Variants in ATP7A observed in about 807,000 individuals in gnomAD.
ATP7A encodes the protein copper-transporting ATPase 1.
A neutral mutation model predicts 83.5 loss-of-function variants in ATP7A; 7 were observed. That is an observed-to-expected ratio of 0.08 (90% CI 0.05 to 0.16). The LOEUF is 0.16. ATP7A is among the 10% of genes least tolerant of loss of function. The pLI is 1.00. For synonymous variants in ATP7A, 354 were observed against 395.2 expected, an observed-to-expected ratio of 0.90 and a Z score of 1.24; for missense variants, 940 against 1,120.8, an observed-to-expected ratio of 0.84 and a Z score of 2.30.
intron 1 of ATP7A, among the ~76,000 whole-genome samples, chrX:77,961,040 G>A (rs2077471393): frequency 9.0e-6 from 1 of 111,456 alleles, no homozygotes; most frequent in Admixed American, 9.6e-5. Context: ...TAGTGAGAGT[G>A]AGATGGAATT....
At chrX:77,960,486 T>C (rs782713732) in intron 1 of ATP7A, among the ~76,000 whole-genome samples, 2 of 112,704 alleles carry the variant, frequency 1.8e-5, no homozygotes, top group Admixed American at 9.4e-5. Flanking sequence ...CTTTCCCAAA[T>C]TATAAGTGCT....
chrX:77,969,521 G>C (rs782408548), intron 1 of ATP7A: 2 of 1,209,421 alleles, frequency 1.7e-6, no homozygotes, highest in African/African-American at 1.7e-5. Flanking sequence ...TGCCCGCCGC[G>C]CTTCGCCTCC....
chrX:77,943,407 T>C (rs1337399195), intron 1 of ATP7A, among the ~76,000 whole-genome samples: 1 of 111,585 alleles, frequency 9.0e-6, no homozygotes, highest in Non-Finnish European at 1.9e-5. Context: ...TGCTCATTTC[T>C]GCCTTTAAAC....
At chrX:77,923,575 C>T (rs782229005) in intron 1 of ATP7A, 3 of 102,450 alleles carry the variant, frequency 2.9e-5, no homozygotes, top group Admixed American at 2.1e-4. Flanking sequence ...TTTTTTCTTT[C>T]TTTCTTTTTT....
intron 1 of ATP7A, among the ~76,000 whole-genome samples, chrX:77,944,468 G>A (rs2077367737): frequency 9.0e-6 from 1 of 111,126 alleles, no homozygotes; most frequent in South Asian, 3.8e-4. Flanking sequence ...TTAGAGACAG[G>A]GTCTCTAGCT....
intron 18 of ATP7A, 30 bp downstream of exon 18, chrX:78,039,012 CA>C: frequency 8.4e-7 from 1 of 1,196,031 alleles, no homozygotes. Context: ...TGCTATAACT[CA>C]ATGTTTTGTT....
At chrX:77,956,343 G>A (rs2077441070) in intron 1 of ATP7A, among the ~76,000 whole-genome samples, 1 of 111,589 alleles carries the variant, frequency 9.0e-6, no homozygotes, top group Non-Finnish European at 1.9e-5. Flanking sequence ...GAGTGAGTTG[G>A]TATCTCCTTG....
intron 19 of ATP7A, among the ~76,000 whole-genome samples, chrX:78,042,153 A>T (rs1421841854): frequency 1.9e-5 from 2 of 107,173 alleles, no homozygotes; most frequent in Admixed American, 1.0e-4. Context: ...AAGTTACTTT[A>T]TTCTTTCTAT....
chrX:78,043,484 C>A (rs782327086), intron 21 of ATP7A, 50 bp downstream of exon 21: 16 of 981,147 alleles, frequency 1.6e-5, no homozygotes, highest in Non-Finnish European at 2.0e-5. Context: ...TTATTAGAGA[C>A]CTAACATATT....
chrX:78,048,061 C>T lies in ATP7A; in HGVS notation c.*1491C>T, dbSNP rs782027503. On this transcript the variant is annotated 3_prime_UTR_variant, in exon 23 of 23. Transcript: ENST00000341514. ...AAACTAAAATTTCCCTAGGTTATGA[C>T]GCTTTTTAGCTAAATATATACTCTT... is the stretch of plus-strand genomic sequence containing the variant. 1.8e-5 allele frequency: 2 copies of T among 111,818 alleles called. No individual in the cohort carries two copies. Among genetic ancestry groups the T allele is most frequent in the Non-Finnish European group, 3.8e-5 (2 of 53,194 alleles). The allele number at this position is 111,818 out of a possible 1,213,427, so 9.2% of individuals were successfully genotyped here. A position where few individuals can be genotyped will look rare whatever the true frequency, so the allele number is the denominator to read the frequency against.
intron 1 of ATP7A, among the ~76,000 whole-genome samples, chrX:77,942,374 G>T (rs1276985686): frequency 9.1e-6 from 1 of 110,178 alleles, no homozygotes; most frequent in Middle Eastern, 4.7e-3. Context: ...AAATTCCTTT[G>T]TCCTAAATCT....
At chrX:77,969,767 C>CTTTT (rs2077535617) in intron 1 of ATP7A, 1 of 810,925 alleles carries the variant, frequency 1.2e-6, no homozygotes, top group South Asian at 2.6e-5. Flanking sequence ...CCACTGTTTC[C>CTTTT]ATGGGATATA....
chrX:77,985,028 AT>A (rs1305834356), intron 2 of ATP7A, among the ~76,000 whole-genome samples: 56 of 106,943 alleles, frequency 5.2e-4, no homozygotes, highest in Middle Eastern at 5.0e-3. Context: ...TGACAAAGTG[AT>A]TTTTTTTTTT....
At chrX:77,923,768 T>C (rs1569548750) in intron 1 of ATP7A, 1 of 111,258 alleles carries the variant, frequency 9.0e-6, no homozygotes, top group Non-Finnish European at 1.9e-5. Context: ...AGGTTTATGT[T>C]TTTGTGTGTA....
intron 14 of ATP7A, among the ~76,000 whole-genome samples, chrX:78,026,565 T>C (rs1282323515): frequency 1.8e-5 from 2 of 111,785 alleles, no homozygotes; most frequent in Admixed American, 9.5e-5. Context: ...TGCACTTAAA[T>C]TGGATTCTCA....
Position 78,041,908 on chromosome X carries a change from G to A in ATP7A, c.3802-677G>A, listed in dbSNP as rs782489192. On this transcript the variant is annotated intron_variant, in intron 19 of 22. Coordinates refer to ENST00000341514, the MANE Select transcript of ATP7A (RefSeq NM_000052.7). ...TGAAGTGGGCAGATCACATGAGGTC[G>A]GGAGTTTGAGACCAGCCTGGCCAGC... Among the ~76,000 whole-genome samples the A allele has an allele frequency of 3.5e-3, 383 of 109,408 alleles. 3 individuals carry two copies. Among genetic ancestry groups the A allele is most frequent in the African/African-American group, 0.012 (363 of 30,027 alleles).
chrX:78,031,121 T>C (rs1417665520), intron 15 of ATP7A, among the ~76,000 whole-genome samples: 7 of 112,024 alleles, frequency 6.2e-5, no homozygotes, highest in Non-Finnish European at 1.3e-4. Flanking sequence ...CTATTAACAG[T>C]CAACCCTTAA....
chrX:78,045,670 C>G, intron 22 of ATP7A, 98 bp downstream of exon 22: 2 of 825,863 alleles, frequency 2.4e-6, no homozygotes, highest in South Asian at 4.2e-5. Flanking sequence ...ATGATAAGCC[C>G]AAACCATTCT....
intron 17 of ATP7A, among the ~76,000 whole-genome samples, chrX:78,035,555 C>G (rs1488298965): frequency 1.8e-5 from 2 of 110,713 alleles, no homozygotes; most frequent in Non-Finnish European, 3.8e-5. Flanking sequence ...GTCTCTCTCT[C>G]CTATGGGACA....
Sources: gnomAD v4.1 joint callset for allele counts (sites outside exome capture counted in the v4.1 genomes callset) on GRCh38, gnomAD v4.1.1 for gene constraint, MANE v1.5 for transcripts, NCBI Gene and HGNC (gene_info 2026-07-23, HGNC 2026-07-21) for gene names.